PTPRD: variants seen among roughly 807,000 people sequenced by gnomAD.
The protein encoded by PTPRD is protein tyrosine phosphatase receptor type D.
In PTPRD, 34 loss-of-function variants were observed where a neutral mutation model predicts 214.5. The observed-to-expected ratio is 0.16, with a 90% CI of 0.12 to 0.21. The LOEUF (loss-of-function observed/expected upper bound fraction) is 0.21, where lower values mean the gene tolerates loss of function less well. PTPRD is among the 10% of genes least tolerant of loss of function. PTPRD has a pLI of 1.00. For synonymous variants in PTPRD, 1,128 were observed against 845.7 expected (o/e 1.33, Z -5.79); for missense variants, 2,545 against 2,398.7 (o/e 1.06, Z -1.27).
At chr9:8,925,336 G>A (rs997488535) in intron 11 of PTPRD, among the ~76,000 whole-genome samples, 24 of 151,962 alleles carry the variant, frequency 1.6e-4, no homozygotes, top group African/African-American at 5.8e-4. Flanking sequence ...AGGGGATGCA[G>A]GGGAAGGTAC....
chr9:9,026,846 T>A (rs906446472), intron 10 of PTPRD, among the ~76,000 whole-genome samples: 3 of 151,780 alleles, frequency 2.0e-5, no homozygotes, highest in Admixed American at 6.6e-5. Flanking sequence ...AAACCTCTTT[T>A]CTCTAAGCTG....
chr9:9,441,021 C>T (rs926040240), intron 8 of PTPRD, among the ~76,000 whole-genome samples: 1 of 152,286 alleles, frequency 6.6e-6, no homozygotes. Flanking sequence ...CTGAAATGTC[C>T]TGTGAGACTT....
chr9:8,341,680 T>G lies in PTPRD; in HGVS notation c.4947+13A>C. 1 of 1,612,654 alleles carries G rather than the reference T, an allele frequency of 6.2e-7. No homozygotes were observed. The highest frequency in any genetic ancestry group is 8.5e-7 in the Non-Finnish European group (1 of 1,179,226). On this transcript the variant is annotated intron_variant, in intron 40 of 45. Transcript: ENST00000381196. ...CTTGCTCCTGAATAACCACATCACA[T>G]CCAATACCATACCTTAAATTCGAGC... is the stretch of plus-strand genomic sequence containing the variant.
At position 9,105,414 on chromosome 9, in the gene PTPRD, G is replaced by A. The variant is rs535775735; in HGVS notation, c.-143+77890C>T. Among the ~76,000 whole-genome samples the A allele has an allele frequency of 2.6e-5, 4 of 152,246 alleles. No homozygotes were observed. The East Asian group carries it at 7.7e-4, about 29-fold the overall frequency. ...ACCTTTTCTTCAGTGATTCCTTAGT[G>A]ACTATAGTTGATAAAAATTGAGAAA... On this transcript the variant is annotated intron_variant, in intron 10 of 45. Coordinates refer to ENST00000381196, the MANE Select transcript of PTPRD (RefSeq NM_002839.4).
At chr9:9,621,668 C>T (rs2095244731) in intron 7 of PTPRD, among the ~76,000 whole-genome samples, 1 of 152,096 alleles carries the variant, frequency 6.6e-6, no homozygotes, top group Non-Finnish European at 1.5e-5. Flanking sequence ...AAAAAGAAGA[C>T]TATAAGGTGC....
chr9:8,892,224 T>A (rs1383216444), intron 11 of PTPRD, among the ~76,000 whole-genome samples: 2 of 152,110 alleles, frequency 1.3e-5, no homozygotes, highest in South Asian at 4.1e-4. Context: ...TTCAGACCAG[T>A]GTAGAACTCC....
intron 5 of PTPRD, among the ~76,000 whole-genome samples, chr9:9,818,347 G>A (rs1458412024): frequency 1.3e-5 from 2 of 152,064 alleles, no homozygotes; most frequent in South Asian, 2.1e-4. Context: ...TTTATCAGCT[G>A]AGCATTTCAG....
chr9:8,485,531 T>G (rs1433550605), intron 28 of PTPRD: 1 of 622,876 alleles, frequency 1.6e-6, no homozygotes, highest in Non-Finnish European at 2.8e-6. Context: ...CCAACTCTAT[T>G]GTGTTTTCCT....
At chr9:9,908,249 C>G (rs538888353) in intron 5 of PTPRD, among the ~76,000 whole-genome samples, 5 of 152,038 alleles carry the variant, frequency 3.3e-5, no homozygotes, top group African/African-American at 1.2e-4. Context: ...GCTCAATGTG[C>G]CTATGCTGGC....
At chr9:10,424,279 G>A (rs1565945467) in intron 2 of PTPRD, among the ~76,000 whole-genome samples, 1 of 151,340 alleles carries the variant, frequency 6.6e-6, no homozygotes, top group East Asian at 2.0e-4. Flanking sequence ...AAATCAAAAT[G>A]GCCATAAATA....
chr9:8,644,210 G>C (rs2096639133), intron 12 of PTPRD, among the ~76,000 whole-genome samples: 1 of 152,178 alleles, frequency 6.6e-6, no homozygotes, highest in Non-Finnish European at 1.5e-5. Context: ...ACAGAGAGGA[G>C]CTACCCTCTC....
chr9:10,546,004 A>C (rs1204038968), intron 2 of PTPRD, among the ~76,000 whole-genome samples: 1 of 152,096 alleles, frequency 6.6e-6, no homozygotes, highest in African/African-American at 2.4e-5. Flanking sequence ...GTGCAAACAA[A>C]GTAACATTTT....
At chr9:9,193,943 G>T (rs1223042657) in intron 9 of PTPRD, among the ~76,000 whole-genome samples, 7 of 151,650 alleles carry the variant, frequency 4.6e-5, no homozygotes, top group Admixed American at 4.6e-4. Flanking sequence ...AAAATTTTTT[G>T]GCTCTTCTGT....
In PTPRD at chr9:8,485,503, C is replaced by A; in HGVS notation, c.3056-179G>T. Reference sequence around the variant, plus strand: ...ATACCCCATTCTCACAGAGATCTTTCCTTTCTCTCCAATTCAGCCAACTCT... The same window carrying A: ...ATACCCCATTCTCACAGAGATCTTTACTTTCTCTCCAATTCAGCCAACTCT... On this transcript the variant is annotated intron_variant, in intron 28 of 45. Transcript: ENST00000381196. 5 of 621,472 alleles carry A rather than the reference C, an allele frequency of 8.0e-6. No individual in the cohort carries two copies. The South Asian group carries it at 1.0e-4, about 13-fold the overall frequency. 38.5% of individuals were successfully genotyped at this position (621,472 alleles called of 1,614,324 possible). A position where few individuals can be genotyped will look rare whatever the true frequency, so the allele number is the denominator to read the frequency against.
At chr9:10,375,216 T>C (rs955207337) in intron 2 of PTPRD, among the ~76,000 whole-genome samples, 2 of 152,090 alleles carry the variant, frequency 1.3e-5, no homozygotes, top group African/African-American at 4.8e-5. Context: ...AGGCTTGTAC[T>C]TGCATTATCA....
intron 31 of PTPRD, 56 bp from the exon 32 acceptor site, chr9:8,465,731 T>A: frequency 6.8e-7 from 1 of 1,460,282 alleles, no homozygotes; most frequent in East Asian, 2.3e-5. Context: ...CCCAGCTTAT[T>A]GATAATTTAA....
intron 10 of PTPRD, among the ~76,000 whole-genome samples, chr9:9,119,035 C>G (rs2099815033): frequency 6.6e-6 from 1 of 152,112 alleles, no homozygotes; most frequent in Non-Finnish European, 1.5e-5. Context: ...TATGGAAAGA[C>G]CAAGACAGCC....
rs76729272 is a variant in PTPRD at position 9,520,826 on chromosome 9, G to T, written c.-237+53906C>A. Among the ~76,000 whole-genome samples the T allele has an allele frequency of 5.9e-5, 9 of 152,204 alleles. No individual in the cohort carries two copies. The East Asian group carries it at 1.7e-3, about 29-fold the overall frequency. On this transcript the variant is annotated intron_variant, in intron 8 of 45. Transcript: ENST00000381196. Reference sequence around the variant, plus strand: ...CAGTCTACGAGTCGTAGAATCAAGGGTTTAGCACTATTTAAACAAATCTCA... The same window carrying T: ...CAGTCTACGAGTCGTAGAATCAAGGTTTTAGCACTATTTAAACAAATCTCA...
intron 2 of PTPRD, among the ~76,000 whole-genome samples, chr9:10,551,750 T>G (rs191632125): frequency 6.2e-4 from 94 of 152,268 alleles, no homozygotes; most frequent in Non-Finnish European, 1.1e-3. Context: ...ACAACTTGCT[T>G]CCCACTATTG....
Sources: allele counts gnomAD v4.1 joint callset (sites outside exome capture counted in the v4.1 genomes callset), GRCh38; gene constraint gnomAD v4.1.1; transcripts MANE v1.5; gene names NCBI Gene and HGNC (gene_info 2026-07-23, HGNC 2026-07-21).